Variants in CSMD3 observed in about 807,000 individuals in gnomAD.
CSMD3 encodes CUB and Sushi multiple domains 3.
A neutral mutation model predicts 435.2 loss-of-function variants in CSMD3; 177 were observed. The observed-to-expected ratio is 0.41, with a 90% CI of 0.36 to 0.46. The LOEUF is 0.46. Among genes scored for constraint, CSMD3 ranks in the 20% least tolerant of loss-of-function variants. The probability of loss-of-function intolerance (pLI) is 0.34; values close to 1 mark genes in which losing one functional copy is unlikely to be tolerated. For missense variants in CSMD3, 4,265 were observed against 4,504.6 expected (o/e 0.95, Z 1.52); for synonymous variants, 1,656 against 1,520.5 (o/e 1.09, Z -2.07).
chr8:113,217,779 G>T (rs1311880494), intron 3 of CSMD3, among the ~76,000 whole-genome samples: 1 of 151,050 alleles, frequency 6.6e-6, no homozygotes, highest in Non-Finnish European at 1.5e-5. Context: ...GCAATAAAAT[G>T]GAATGAAAAA....
chr8:112,921,481 T>C (rs2082741497), intron 10 of CSMD3, 146 bp downstream of exon 10: 1 of 750,892 alleles, frequency 1.3e-6, no homozygotes, highest in Admixed American at 2.4e-5. Flanking sequence ...ATTTTGCAGA[T>C]TTTCTATAAA....
chr8:112,356,399 T>C (rs1360786454), intron 38 of CSMD3, among the ~76,000 whole-genome samples: 2 of 152,116 alleles, frequency 1.3e-5, no homozygotes, highest in Non-Finnish European at 2.9e-5. Flanking sequence ...GGAGAATTAA[T>C]GCAGGCATAA....
At chr8:112,814,348 G>A (rs1029503423) in intron 12 of CSMD3, among the ~76,000 whole-genome samples, 2 of 152,092 alleles carry the variant, frequency 1.3e-5, no homozygotes, top group Non-Finnish European at 2.9e-5. Context: ...TACATTCCTG[G>A]TCTTCTCTCT....
Position 113,244,920 on chromosome 8 carries a change from T to C in CSMD3, c.514+33672A>G, listed in dbSNP as rs116030711. On this transcript the variant is annotated intron_variant, in intron 3 of 70. Transcript: ENST00000297405. ...TTGAATTCACCAACTAATTTTGTTATATTGTTCCTGTTACCTTTCATTTAT... is the reference window on the plus strand; with the variant it reads ...TTGAATTCACCAACTAATTTTGTTACATTGTTCCTGTTACCTTTCATTTAT... 4.8e-3 allele frequency among the ~76,000 whole-genome samples: 730 copies of C among 152,312 alleles called. 7 individuals are homozygous for C. Among genetic ancestry groups the C allele is most frequent in the African/African-American group, 0.016 (681 of 41,578 alleles).
intron 3 of CSMD3, among the ~76,000 whole-genome samples, chr8:113,208,094 C>A (rs2092791496): frequency 6.6e-6 from 1 of 152,062 alleles, no homozygotes; most frequent in Non-Finnish European, 1.5e-5. Context: ...TTTAAAACTT[C>A]TTTTTCTTTG....
chr8:112,695,065 G>A (rs746456636), intron 13 of CSMD3, among the ~76,000 whole-genome samples: 11 of 151,990 alleles, frequency 7.2e-5, no homozygotes, highest in Non-Finnish European at 1.6e-4. Flanking sequence ...TGTGACAGAC[G>A]GAACCTGGAA....
At chr8:113,430,242 T>A (rs1315114831) in intron 1 of CSMD3, among the ~76,000 whole-genome samples, 3 of 152,204 alleles carry the variant, frequency 2.0e-5, no homozygotes, top group African/African-American at 7.2e-5. Context: ...AGAGATAAAG[T>A]GCGAGTTCAT....
rs978137537 is a variant in CSMD3 at position 113,284,245 on chromosome 8, A to G, written c.402-5541T>C. 3.3e-5 allele frequency among the ~76,000 whole-genome samples: 5 copies of G among 152,246 alleles called. No individual in the cohort carries two copies. The East Asian group carries it at 5.8e-4, about 18-fold the overall frequency. ...ATACTTATGGAAAAAAAAAGATGTC[A>G]GTGTTTGGGACTCAGAGTCTAAAAC... On this transcript the variant is annotated intron_variant, in intron 2 of 70. Transcript: ENST00000297405.
At chr8:112,907,610 T>C (rs2082298332) in intron 10 of CSMD3, among the ~76,000 whole-genome samples, 1 of 151,378 alleles carries the variant, frequency 6.6e-6, no homozygotes, top group South Asian at 2.1e-4. Flanking sequence ...TCAGGTCCTC[T>C]TAAGTCTGGG....
chr8:112,796,464 A>C (rs547560346), intron 13 of CSMD3, among the ~76,000 whole-genome samples: 1 of 152,170 alleles, frequency 6.6e-6, no homozygotes, highest in South Asian at 2.1e-4. Context: ...TTCTAATCAG[A>C]TTTAATGAGT....
chr8:112,711,438 G>C (rs1456235481), intron 13 of CSMD3, among the ~76,000 whole-genome samples: 1 of 152,174 alleles, frequency 6.6e-6, no homozygotes, highest in Non-Finnish European at 1.5e-5. Flanking sequence ...TCAATGGGTT[G>C]TTGAGTCCTT....
At chr8:112,472,957 C>T (rs570567399) in intron 31 of CSMD3, among the ~76,000 whole-genome samples, 4 of 152,112 alleles carry the variant, frequency 2.6e-5, no homozygotes, top group African/African-American at 9.6e-5. Context: ...AATGGTGTTA[C>T]CTAGAAATAT....
At chr8:112,290,216 C>G (rs996043144) in intron 56 of CSMD3, among the ~76,000 whole-genome samples, 1 of 151,996 alleles carries the variant, frequency 6.6e-6, no homozygotes, top group Non-Finnish European at 1.5e-5. Flanking sequence ...TAACATGTGT[C>G]CCCTGTTAGT....
intron 38 of CSMD3, among the ~76,000 whole-genome samples, chr8:112,363,080 C>A (rs572784594): frequency 2.2e-4 from 34 of 152,042 alleles, no homozygotes; most frequent in South Asian, 8.3e-4. Flanking sequence ...AGACCACAAC[C>A]TTTTGTGTGC....
At chr8:113,087,564 A>G (rs1285277961) in intron 5 of CSMD3, among the ~76,000 whole-genome samples, 7 of 152,262 alleles carry the variant, frequency 4.6e-5, no homozygotes, top group South Asian at 2.1e-4. Flanking sequence ...CATATCTACA[A>G]CTATCTGATC....
chr8:112,671,168 A>G (rs912990832), intron 16 of CSMD3, among the ~76,000 whole-genome samples: 4 of 152,174 alleles, frequency 2.6e-5, no homozygotes, highest in African/African-American at 9.6e-5. Context: ...GTTTAACTAA[A>G]TTTAGACAGG....
At chr8:112,944,665 T>C (rs539755483) in intron 9 of CSMD3, among the ~76,000 whole-genome samples, 6 of 151,732 alleles carry the variant, frequency 4.0e-5, no homozygotes, top group African/African-American at 1.4e-4. Context: ...ACAACCTTCA[T>C]GTTGTCAAAT....
chr8:112,735,371 A>G (rs2077164597), intron 13 of CSMD3, among the ~76,000 whole-genome samples: 1 of 152,014 alleles, frequency 6.6e-6, no homozygotes, highest in South Asian at 2.1e-4. Context: ...ACTTGAGTGT[A>G]TCAGATCCCA....
chr8:112,649,996 A>G (rs1269678333), intron 19 of CSMD3, among the ~76,000 whole-genome samples, 165 bp downstream of exon 19: 2 of 152,190 alleles, frequency 1.3e-5, no homozygotes, highest in Non-Finnish European at 2.9e-5. Context: ...CTGATTAGCA[A>G]TAGTCTTTAT....
Sources: allele counts gnomAD v4.1 joint callset (sites outside exome capture counted in the v4.1 genomes callset), GRCh38; gene constraint gnomAD v4.1.1; transcripts MANE v1.5; gene names NCBI Gene and HGNC (gene_info 2026-07-23, HGNC 2026-07-21).